Variants in CMAS observed in about 807,000 individuals in gnomAD.
CMAS encodes the protein N-acylneuraminate cytidylyltransferase.
A neutral mutation model predicts 53.4 loss-of-function variants in CMAS; 21 were observed. The observed-to-expected ratio is 0.39, with a 90% CI of 0.28 to 0.57. The LOEUF (loss-of-function observed/expected upper bound fraction) is 0.57, where lower values mean the gene tolerates loss of function less well. CMAS is among the 20% of genes least tolerant of loss of function. CMAS has a pLI of 0.56. For synonymous variants in CMAS, 189 were observed against 195.2 expected, an observed-to-expected ratio of 0.97 and a Z score of 0.27; for missense variants, 384 against 534.9, an observed-to-expected ratio of 0.72 and a Z score of 2.78.
In CMAS at chr12:22,046,568, G is replaced by T; in HGVS notation, c.260+5G>T. On this transcript the variant is annotated splice_donor_5th_base_variant and intron_variant, in intron 1 of 7. Transcript: ENST00000229329. ...GGATTCAGGGGCCTTCCAGAGGTGC[G>T]CATGTGCGAGAGTGGGCGGCGCGGC... is the stretch of plus-strand genomic sequence containing the variant. 1 of 1,551,764 alleles carries T rather than the reference G, an allele frequency of 6.4e-7. No homozygotes were observed. Among genetic ancestry groups the T allele is most frequent in the Non-Finnish European group, 8.7e-7 (1 of 1,149,392 alleles).
At chr12:22,046,602 G>T in intron 1 of CMAS, 39 bp downstream of exon 1, 1 of 1,486,570 alleles carries the variant, frequency 6.7e-7, no homozygotes. Flanking sequence ...GCCTGGGCGG[G>T]GGTCGGGAGA....
chr12:22,057,226 T>TACACACACACACACACAC (rs71053371), intron 3 of CMAS, among the ~76,000 whole-genome samples: 25 of 133,932 alleles, frequency 1.9e-4, no homozygotes, highest in South Asian at 4.8e-4. Flanking sequence ...AACCAGCTAT[T>TACACACACACACACACAC]ACACACACAC....
At chr12:22,055,047 A>G (rs546115438) in intron 1 of CMAS, 102 bp from the exon 2 acceptor site, 418 of 747,458 alleles carry the variant, frequency 5.6e-4, no homozygotes, top group Non-Finnish European at 8.0e-4. Flanking sequence ...TGCAAAAAAT[A>G]TTCTCACATT....
At chr12:22,052,877 G>T (rs1950245262) in intron 1 of CMAS, among the ~76,000 whole-genome samples, 1 of 151,990 alleles carries the variant, frequency 6.6e-6, no homozygotes, top group Admixed American at 6.6e-5. Flanking sequence ...TTTATCCCTT[G>T]ATTTAAATCC....
chr12:22,062,171 C>CGTT, intron 6 of CMAS, 110 bp from the exon 7 acceptor site: 1 of 906,426 alleles, frequency 1.1e-6, no homozygotes, highest in South Asian at 2.4e-5. Context: ...AAAGATGACT[C>CGTT]GTTTGTGATT....
rs1250072210 is a variant in CMAS, at chr12:22,046,314, T to G, written c.11T>G (p.Val4Gly). ...AGGCGTGGGAGGAAGATGGACTCGGTGGAGAAGGGGGCCGCCACCTCCGTC... is the reference window on the plus strand; with the variant it reads ...AGGCGTGGGAGGAAGATGGACTCGGGGGAGAAGGGGGCCGCCACCTCCGTC... MDSVEKGAATSVSN... is the reference protein window; with the variant it reads MDSGEKGAATSVSN... Residue 4 changes from valine to glycine, a missense_variant, in exon 1 of 8, where the codon GTG (valine) becomes GGG (glycine). Around this residue, in one of 3 missense-constraint regions of CMAS, gnomAD observed 111 missense variants for 132.2 expected, o/e 0.84. Transcript: ENST00000229329. The G allele has an allele frequency of 6.7e-7, 1 of 1,481,594 alleles. No individual in the cohort carries two copies. The highest frequency in any genetic ancestry group is 1.4e-5 in the South Asian group (1 of 73,960). The allele number at this position is 1,481,594 out of a possible 1,614,324, so 91.8% of individuals were successfully genotyped here.
At chr12:22,054,819 G>T (rs182247578) in intron 1 of CMAS, among the ~76,000 whole-genome samples, 2 of 151,966 alleles carry the variant, frequency 1.3e-5, no homozygotes, top group Non-Finnish European at 2.9e-5. Flanking sequence ...AGATTATTTC[G>T]TCATTCAGGT....
Position 22,046,358 on chromosome 12 carries a change from C to A in CMAS, c.55C>A (p.Pro19Thr), listed in dbSNP as rs1372128730. 6.5e-7 allele frequency: 1 copy of A among 1,531,116 alleles called. No homozygotes were observed. The highest frequency in any genetic ancestry group is 2.5e-5 in the East Asian group (1 of 39,540). The allele number at this position is 1,531,116 out of a possible 1,614,324, so 94.8% of individuals were successfully genotyped here. The change falls in exon 1 of 8, where the codon CCG (proline) becomes ACG (threonine). Residue 19 changes from proline (P) to threonine (T), a missense_variant. Around this residue, in one of 3 missense-constraint regions of CMAS, gnomAD observed 111 missense variants for 132.2 expected, o/e 0.84. Transcript: ENST00000229329. ...ATSVSNPRGRPSRGRPPKLQR... is the reference protein window; with the variant it reads ...ATSVSNPRGRTSRGRPPKLQR... ...CTCCGTCTCCAACCCGCGGGGGCGA[C>A]CGTCCCGGGGCCGGCCGCCGAAGCT...
At chr12:22,055,026 T>C in intron 1 of CMAS, 123 bp from the exon 2 acceptor site, 3 of 604,590 alleles carry the variant, frequency 5.0e-6, no homozygotes, top group Non-Finnish European at 8.2e-6. Context: ...TCTGTAACAT[T>C]ATTATCATTG....
intron 3 of CMAS, among the ~76,000 whole-genome samples, chr12:22,056,494 A>G (rs1029746343): frequency 6.6e-6 from 1 of 152,126 alleles, no homozygotes; most frequent in Non-Finnish European, 1.5e-5. Context: ...TGAAACTTTA[A>G]TTTCATCTCA....
chr12:22,063,207 A>T (rs1950320043), intron 7 of CMAS, among the ~76,000 whole-genome samples: 1 of 152,208 alleles, frequency 6.6e-6, no homozygotes, highest in South Asian at 2.1e-4. Flanking sequence ...ACTATAAATC[A>T]TGTATGAAAG....
chr12:22,055,672 A>G (rs976841479), intron 3 of CMAS, 62 bp downstream of exon 3: 2 of 1,436,518 alleles, frequency 1.4e-6, no homozygotes, highest in Admixed American at 1.9e-5. Context: ...TTTGTATATA[A>G]ATATCCTTTA....
chr12:22,050,170 A>G (rs939373556), intron 1 of CMAS, among the ~76,000 whole-genome samples: 1 of 152,306 alleles, frequency 6.6e-6, no homozygotes, highest in East Asian at 1.9e-4. Flanking sequence ...TTGTACCTTC[A>G]TTTAGTGCAT....
At chr12:22,064,544 T>C (rs148644674) in intron 7 of CMAS, among the ~76,000 whole-genome samples, 3 of 152,048 alleles carry the variant, frequency 2.0e-5, no homozygotes, top group Admixed American at 2.0e-4. Context: ...CAACATATAC[T>C]AGGTTATTAG....
chr12:22,060,947 A>G (rs1950305323), intron 5 of CMAS, 21 bp downstream of exon 5: 5 of 1,336,954 alleles, frequency 3.7e-6, no homozygotes, highest in Non-Finnish European at 4.3e-6. Flanking sequence ...ATAAACCTTT[A>G]TAACCTTTGT....
At chr12:22,051,623 A>C (rs2138179002) in intron 1 of CMAS, among the ~76,000 whole-genome samples, 1 of 152,332 alleles carries the variant, frequency 6.6e-6, no homozygotes, top group Non-Finnish European at 1.5e-5. Context: ...CCTAAACCAA[A>C]GGAAAATTAT....
At chr12:22,063,455 T>A (rs1950322074) in intron 7 of CMAS, among the ~76,000 whole-genome samples, 1 of 152,146 alleles carries the variant, frequency 6.6e-6, no homozygotes, top group Non-Finnish European at 1.5e-5. Flanking sequence ...TAAGCAAGCT[T>A]CTGTATACCT....
intron 1 of CMAS, among the ~76,000 whole-genome samples, chr12:22,049,784 A>G (rs1362709440): frequency 1.3e-5 from 2 of 152,146 alleles, no homozygotes; most frequent in Non-Finnish European, 2.9e-5. Context: ...GCATGCCTGT[A>G]ATCCCAGCTA....
Position 22,059,146 on chromosome 12 carries a change from ATATT to A in CMAS, c.693+448_693+451del, listed in dbSNP as rs1208424137. Reference sequence around the variant, plus strand: ...AATCTTTTTATATATATATATATATATATTTTTTTTTTTTTTTATTATACTTTAA... The same window carrying A: ...AATCTTTTTATATATATATATATATATTTTTTTTTTTTTATTATACTTTAA... On this transcript the variant is annotated intron_variant, in intron 4 of 7. Coordinates refer to ENST00000229329, the MANE Select transcript of CMAS (RefSeq NM_018686.6). Among the ~76,000 whole-genome samples, 1,040 of 122,652 alleles carry A rather than the reference ATATT, an allele frequency of 8.5e-3. 10 individuals are homozygous for A. The highest frequency in any genetic ancestry group is 0.035 in the African/African-American group (974 of 27,840). The allele number at this position is 122,652 out of a possible 152,430, so 80.5% of individuals were successfully genotyped here. A position where few individuals can be genotyped will look rare whatever the true frequency, so the allele number is the denominator to read the frequency against.
Sources: gnomAD v4.1 joint callset for allele counts (sites outside exome capture counted in the v4.1 genomes callset) on GRCh38, gnomAD v4.1.1 for gene constraint, gnomAD v4.1.1 regional missense constraint, MANE v1.5 for transcripts, NCBI Gene and HGNC (gene_info 2026-07-23, HGNC 2026-07-21) for gene names.